The following SGCD variants were observed in gnomAD, a reference collection of about 807,000 sequenced individuals.
SGCD encodes delta-sarcoglycan.
In SGCD, 18 loss-of-function variants were observed where a neutral mutation model predicts 36.6. The observed-to-expected ratio is 0.49, with a 90% CI of 0.34 to 0.73. The LOEUF is 0.73. Among genes scored for constraint, SGCD ranks in the 30% least tolerant of loss-of-function variants. The pLI is 0.01. For missense variants in SGCD, 387 were observed against 346.7 expected, an observed-to-expected ratio of 1.12 and a Z score of -0.92; for synonymous variants, 133 against 130.6, an observed-to-expected ratio of 1.02 and a Z score of -0.12.
chr5:156,638,793 A>G (rs1297652995), intron 6 of SGCD, among the ~76,000 whole-genome samples: 1 of 152,138 alleles, frequency 6.6e-6, no homozygotes, highest in Non-Finnish European at 1.5e-5. Flanking sequence ...TAATTAAACT[A>G]CTTGTCTCTT....
At chr5:156,083,985 T>C (rs1004933941) in intron 1 of SGCD, among the ~76,000 whole-genome samples, 25 of 152,216 alleles carry the variant, frequency 1.6e-4, no homozygotes, top group African/African-American at 5.5e-4. Flanking sequence ...CAATATCACA[T>C]TGCTATGATT....
At chr5:155,957,730 C>A (rs188515297) in intron 1 of SGCD, among the ~76,000 whole-genome samples, 5 of 152,222 alleles carry the variant, frequency 3.3e-5, no homozygotes, top group East Asian at 1.9e-4. Flanking sequence ...GATAAACCAG[C>A]CTTATTTTAA....
chr5:156,484,972 G>A (rs1755591532), intron 3 of SGCD, among the ~76,000 whole-genome samples: 2 of 152,024 alleles, frequency 1.3e-5, no homozygotes, highest in South Asian at 2.1e-4. Flanking sequence ...AAAAGTGCCA[G>A]TAAAGTAAAT....
intron 3 of SGCD, among the ~76,000 whole-genome samples, chr5:156,207,842 T>C (rs1223184657): frequency 1.3e-5 from 2 of 152,074 alleles, no homozygotes; most frequent in African/African-American, 2.4e-5. Flanking sequence ...TATAATGTAA[T>C]TGATCATCTT....
intron 1 of SGCD, among the ~76,000 whole-genome samples, chr5:155,884,464 T>C (rs549755624): frequency 6.6e-6 from 1 of 152,324 alleles, no homozygotes; most frequent in East Asian, 1.9e-4. Flanking sequence ...AGAAACAGTA[T>C]TGTATTTTCA....
intron 3 of SGCD, among the ~76,000 whole-genome samples, chr5:156,316,607 A>T (rs972274366): frequency 2.6e-5 from 4 of 152,072 alleles, no homozygotes; most frequent in Admixed American, 2.6e-4. Flanking sequence ...ACACAGACAC[A>T]TAAGCCACAT....
intron 3 of SGCD, among the ~76,000 whole-genome samples, chr5:156,351,632 C>G (rs182991809): frequency 6.6e-6 from 1 of 152,044 alleles, no homozygotes; most frequent in Admixed American, 6.6e-5. Context: ...TCATCATCAT[C>G]ATCATCATCA....
intron 7 of SGCD, among the ~76,000 whole-genome samples, chr5:156,757,349 G>A (rs577948212): frequency 1.4e-5 from 2 of 144,762 alleles, no homozygotes; most frequent in East Asian, 2.1e-4. Flanking sequence ...AAGATCAAGT[G>A]AAACCAGGAT....
chr5:155,916,864 C>T (rs1302477499), intron 1 of SGCD, among the ~76,000 whole-genome samples: 1 of 152,150 alleles, frequency 6.6e-6, no homozygotes, highest in Non-Finnish European at 1.5e-5. Flanking sequence ...GTGAGGAGTG[C>T]TATGTGCATT....
chr5:156,421,881 A>C (rs936159154), intron 3 of SGCD, among the ~76,000 whole-genome samples: 2 of 152,074 alleles, frequency 1.3e-5, no homozygotes, highest in Non-Finnish European at 2.9e-5. Flanking sequence ...GGCATTCAGC[A>C]TAAATGTGAA....
intron 3 of SGCD, among the ~76,000 whole-genome samples, chr5:156,309,970 A>G (rs1767347985): frequency 6.6e-6 from 1 of 152,166 alleles, no homozygotes; most frequent in African/African-American, 2.4e-5. Flanking sequence ...TTTGAATCTA[A>G]TAATGAGGAA....
intron 1 of SGCD, among the ~76,000 whole-genome samples, chr5:156,084,674 T>C (rs1020896854): frequency 2.6e-5 from 4 of 152,246 alleles, no homozygotes; most frequent in Admixed American, 2.6e-4. Context: ...CTCTTCGTTA[T>C]GTCTGCTCTT....
intron 1 of SGCD, among the ~76,000 whole-genome samples, chr5:156,093,719 C>T (rs1320898885): frequency 6.6e-6 from 1 of 152,156 alleles, no homozygotes; most frequent in Non-Finnish European, 1.5e-5. Context: ...CCTGAGATTC[C>T]TTATTTGCCT....
intron 6 of SGCD, among the ~76,000 whole-genome samples, chr5:156,610,786 T>G (rs60841274): frequency 0.052 from 7,912 of 152,306 alleles, 686 homozygotes; most frequent in African/African-American, 0.18. Flanking sequence ...CAGTTTGATC[T>G]CAGACTCCTG....
At chr5:155,900,985 G>T (rs1273418076) in intron 1 of SGCD, among the ~76,000 whole-genome samples, 4 of 151,974 alleles carry the variant, frequency 2.6e-5, no homozygotes, top group African/African-American at 9.7e-5. Flanking sequence ...CTGGAGTTTT[G>T]GCATGTGTCT....
At chr5:156,581,389 AG>A (rs1249150829) in intron 4 of SGCD, among the ~76,000 whole-genome samples, 2 of 152,200 alleles carry the variant, frequency 1.3e-5, no homozygotes, top group Non-Finnish European at 1.5e-5. Context: ...GGCCCACTAG[AG>A]GAGGCAGTCT....
At chr5:155,944,752 T>C (rs1270807679) in intron 1 of SGCD, among the ~76,000 whole-genome samples, 1 of 152,206 alleles carries the variant, frequency 6.6e-6, no homozygotes, top group African/African-American at 2.4e-5. Flanking sequence ...TGTGGTAAGT[T>C]TATGATTGCA....
At chr5:156,694,773 C>T (rs1020211451) in intron 7 of SGCD, among the ~76,000 whole-genome samples, 12 of 151,932 alleles carry the variant, frequency 7.9e-5, no homozygotes, top group South Asian at 2.1e-4. Flanking sequence ...TAATTAGGCC[C>T]GTCTGGTTTT....
intron 3 of SGCD, among the ~76,000 whole-genome samples, chr5:156,485,428 C>A (rs570415224): frequency 6.6e-6 from 1 of 152,214 alleles, no homozygotes; most frequent in East Asian, 1.9e-4. Flanking sequence ...TTTTGGAGGC[C>A]AAGGCAGGTG....
Sources: allele counts gnomAD v4.1 joint callset (sites outside exome capture counted in the v4.1 genomes callset), GRCh38; gene constraint gnomAD v4.1.1; transcripts MANE v1.5; gene names NCBI Gene and HGNC (gene_info 2026-07-23, HGNC 2026-07-21).